The following TMEM132D variants were observed in gnomAD, a reference collection of about 807,000 sequenced individuals.
TMEM132D encodes the protein mature OL transmembrane protein.
In TMEM132D, 21 loss-of-function variants were observed where a neutral mutation model predicts 62.3. That is an observed-to-expected ratio of 0.34 (90% CI 0.24 to 0.49). The LOEUF is 0.49. TMEM132D is among the 20% of genes least tolerant of loss of function. The pLI, the probability that TMEM132D is intolerant of heterozygous loss-of-function variation, is 0.99. For synonymous variants in TMEM132D, 621 were observed against 575.6 expected (o/e 1.08, Z -1.13); for missense variants, 1,346 against 1,402.8 (o/e 0.96, Z 0.65).
chr12:129,290,016 T>C (rs1405681737), intron 4 of TMEM132D, among the ~76,000 whole-genome samples: 1 of 152,238 alleles, frequency 6.6e-6, no homozygotes, highest in Non-Finnish European at 1.5e-5. Context: ...TGGGTCTGTA[T>C]TTATTAATAG....
intron 3 of TMEM132D, among the ~76,000 whole-genome samples, chr12:129,397,371 TG>T (rs1385541222): frequency 6.6e-6 from 1 of 152,200 alleles, no homozygotes; most frequent in Non-Finnish European, 1.5e-5. Context: ...GATTTAATTG[TG>T]GTCTTGACGA....
intron 5 of TMEM132D, among the ~76,000 whole-genome samples, chr12:129,125,801 C>T (rs1876196026): frequency 6.6e-6 from 1 of 152,122 alleles, no homozygotes; most frequent in Admixed American, 6.5e-5. Context: ...TCACTCTTGA[C>T]TCTGTACCTG....
chr12:129,201,769 G>A (rs1878709939), intron 5 of TMEM132D, among the ~76,000 whole-genome samples: 1 of 152,130 alleles, frequency 6.6e-6, no homozygotes, highest in Admixed American at 6.5e-5. Flanking sequence ...AAGATTGGGG[G>A]TAGGGGGAGA....
chr12:129,264,502 A>G (rs1880635293), intron 4 of TMEM132D, among the ~76,000 whole-genome samples: 1 of 152,242 alleles, frequency 6.6e-6, no homozygotes, highest in Admixed American at 6.5e-5. Flanking sequence ...CTAAGGAAAC[A>G]GTGTGGAGAT....
At chr12:129,559,362 C>A (rs1364020008) in intron 2 of TMEM132D, among the ~76,000 whole-genome samples, 1 of 152,216 alleles carries the variant, frequency 6.6e-6, no homozygotes, top group Non-Finnish European at 1.5e-5. Flanking sequence ...TGCATAGCAA[C>A]AGGTATACAC....
chr12:129,383,900 T>C (rs527395102), intron 3 of TMEM132D, among the ~76,000 whole-genome samples: 68 of 152,180 alleles, frequency 4.5e-4, no homozygotes, highest in Non-Finnish European at 9.1e-4. Context: ...GCCCAGGTCA[T>C]CCCTGGATAA....
At position 129,318,784 on chromosome 12, in the gene TMEM132D, T is replaced by TTGC. The variant is rs573602458; in HGVS notation, c.1299+18847_1299+18849dup. Among the ~76,000 whole-genome samples, 798 of 152,054 alleles carry TTGC rather than the reference T, an allele frequency of 5.2e-3. 3 individuals are homozygous for TTGC. Among genetic ancestry groups the TTGC allele is most frequent in the African/African-American group, 0.01 (432 of 41,482 alleles). On this transcript the variant is annotated intron_variant, in intron 4 of 8. Transcript: ENST00000422113. The stretch of plus-strand genomic sequence containing the variant: ...AGCTCAGACTCTCCTTGGGTGGGTC[T>TTGC]TGCTGCTGCTGCTGCTGCTGCTATG...
At chr12:129,451,783 A>C (rs1352092722) in intron 3 of TMEM132D, among the ~76,000 whole-genome samples, 1 of 152,192 alleles carries the variant, frequency 6.6e-6, no homozygotes, top group Non-Finnish European at 1.5e-5. Context: ...AGGCAGAAAG[A>C]GTATGCCACT....
At chr12:129,454,253 A>T (rs906627375) in intron 3 of TMEM132D, among the ~76,000 whole-genome samples, 5 of 152,224 alleles carry the variant, frequency 3.3e-5, no homozygotes. Flanking sequence ...TATGGAAAAG[A>T]TTAGACTTCA....
At chr12:129,470,243 A>G (rs1446435653) in intron 3 of TMEM132D, among the ~76,000 whole-genome samples, 1 of 152,230 alleles carries the variant, frequency 6.6e-6, no homozygotes, top group African/African-American at 2.4e-5. Context: ...TAAACTTCAC[A>G]GACAATTCCC....
At chr12:129,271,928 T>C (rs1240172746) in intron 4 of TMEM132D, among the ~76,000 whole-genome samples, 6 of 151,890 alleles carry the variant, frequency 4.0e-5, no homozygotes, top group Non-Finnish European at 8.8e-5. Context: ...ATATACCCCA[T>C]AATGGGATTG....
intron 2 of TMEM132D, among the ~76,000 whole-genome samples, chr12:129,598,977 A>G (rs1878417091): frequency 6.6e-6 from 1 of 152,190 alleles, no homozygotes; most frequent in African/African-American, 2.4e-5. Flanking sequence ...CACTAAACCA[A>G]TCACAGAAAA....
intron 5 of TMEM132D, among the ~76,000 whole-genome samples, chr12:129,207,249 G>GAGA (rs1027962194): frequency 4.6e-5 from 7 of 151,258 alleles, no homozygotes; most frequent in African/African-American, 1.2e-4. Context: ...GTCAGAAGAT[G>GAGA]AATACAGCAC....
intron 4 of TMEM132D, among the ~76,000 whole-genome samples, chr12:129,258,641 C>T (rs951562535): frequency 1.3e-5 from 2 of 152,142 alleles, no homozygotes; most frequent in African/African-American, 2.4e-5. Flanking sequence ...TAGTCAGTCA[C>T]GTAATATGTG....
intron 2 of TMEM132D, among the ~76,000 whole-genome samples, chr12:129,532,057 A>G (rs1220735267): frequency 1.3e-5 from 2 of 152,158 alleles, no homozygotes; most frequent in Non-Finnish European, 2.9e-5. Flanking sequence ...TCCTGCCTCA[A>G]AAGAAAAATA....
At chr12:129,726,079 A>T (rs1011628996) in intron 1 of TMEM132D, among the ~76,000 whole-genome samples, 1 of 152,120 alleles carries the variant, frequency 6.6e-6, no homozygotes, top group African/African-American at 2.4e-5. Context: ...GATAGACAAC[A>T]CTTCATAGGT....
At chr12:129,425,502 G>A (rs146514622) in intron 3 of TMEM132D, among the ~76,000 whole-genome samples, 1 of 150,118 alleles carries the variant, frequency 6.7e-6, no homozygotes, top group African/African-American at 2.5e-5. Flanking sequence ...CTGGCTTAAT[G>A]TTCTTTGCAA....
intron 1 of TMEM132D, among the ~76,000 whole-genome samples, chr12:129,837,704 C>A (rs1475218669): frequency 6.6e-6 from 1 of 152,188 alleles, no homozygotes; most frequent in African/African-American, 2.4e-5. Context: ...TAACCCAAAA[C>A]GTAAACGCAG....
At position 129,752,722 on chromosome 12, in the gene TMEM132D, C is replaced by G. The variant is rs149594889; in HGVS notation, c.80-52024G>C. Among the ~76,000 whole-genome samples the G allele has an allele frequency of 2.2e-3, 342 of 152,296 alleles. 1 individual carries two copies. The highest frequency in any genetic ancestry group is 2.5e-3 in the Admixed American group (38 of 15,290). Reference sequence around the variant, plus strand: ...TTGCGGGAAAGGACAGGGCCCTGTGCAGCTTTGGGGATCCAGGTGTAAGAA... The same window carrying G: ...TTGCGGGAAAGGACAGGGCCCTGTGGAGCTTTGGGGATCCAGGTGTAAGAA... On this transcript the variant is annotated intron_variant, in intron 1 of 8. Transcript: ENST00000422113.
Sources: gnomAD v4.1 joint callset for allele counts (sites outside exome capture counted in the v4.1 genomes callset) on GRCh38, gnomAD v4.1.1 for gene constraint, MANE v1.5 for transcripts, NCBI Gene and HGNC (gene_info 2026-07-23, HGNC 2026-07-21) for gene names.